The following SUPT3H variants were observed in gnomAD, a reference collection of about 807,000 sequenced individuals.
SUPT3H encodes SPT3 homolog, SAGA and STAGA complex component.
In SUPT3H, 44 loss-of-function variants were observed where a neutral mutation model predicts 44.3. That is an observed-to-expected ratio of 0.99 (90% confidence interval 0.78 to 1.28). The LOEUF (loss-of-function observed/expected upper bound fraction) is 1.28, where lower values mean the gene tolerates loss of function less well. Among genes scored for constraint, SUPT3H ranks in the 50% most tolerant of loss-of-function variants. SUPT3H has a pLI of 0.00. For synonymous variants in SUPT3H, 124 were observed against 125.6 expected (o/e 0.99, Z 0.09); for missense variants, 380 against 387.1 (o/e 0.98, Z 0.15).
intron 2 of SUPT3H, among the ~76,000 whole-genome samples, chr6:45,161,524 G>A (rs1275021585): frequency 6.6e-6 from 1 of 152,132 alleles, no homozygotes; most frequent in African/African-American, 2.4e-5. Flanking sequence ...CAAATTGTGT[G>A]AGACTCTCAT....
At chr6:45,012,602 T>C (rs1783656025) in intron 5 of SUPT3H, among the ~76,000 whole-genome samples, 1 of 152,152 alleles carries the variant, frequency 6.6e-6, no homozygotes, top group South Asian at 2.1e-4. Flanking sequence ...TTTGAACACA[T>C]ACATAATAGC....
chr6:45,287,188 A>G (rs1433104340), intron 2 of SUPT3H, among the ~76,000 whole-genome samples: 1 of 152,074 alleles, frequency 6.6e-6, no homozygotes, highest in Non-Finnish European at 1.5e-5. Flanking sequence ...ACATGTATAC[A>G]TATGTAACAA....
At chr6:44,975,576 G>T (rs2153485959) in intron 6 of SUPT3H, among the ~76,000 whole-genome samples, 1 of 152,004 alleles carries the variant, frequency 6.6e-6, no homozygotes, top group South Asian at 2.1e-4. Flanking sequence ...TTGGAGACTT[G>T]GTGGGAAGGG....
intron 3 of SUPT3H, among the ~76,000 whole-genome samples, chr6:45,105,488 T>TA (rs1324839492): frequency 1.1e-4 from 17 of 152,282 alleles, no homozygotes; most frequent in Non-Finnish European, 1.9e-4. Flanking sequence ...TCAGTGCATA[T>TA]AAAAGCTATG....
chr6:44,881,855 G>A (rs763823729), intron 10 of SUPT3H, among the ~76,000 whole-genome samples: 1 of 152,078 alleles, frequency 6.6e-6, no homozygotes, highest in African/African-American at 2.4e-5. Flanking sequence ...AAGACATGAC[G>A]TACAAGAATC....
At chr6:44,821,552 G>A (rs1229076513) in intron 11 of SUPT3H, among the ~76,000 whole-genome samples, 1 of 152,138 alleles carries the variant, frequency 6.6e-6, no homozygotes, top group Admixed American at 6.5e-5. Context: ...GCTGGGAAAG[G>A]GGGTTAGAAA....
intron 2 of SUPT3H, among the ~76,000 whole-genome samples, chr6:45,271,736 C>A (rs1776204290): frequency 6.6e-6 from 1 of 152,178 alleles, no homozygotes; most frequent in Non-Finnish European, 1.5e-5. Flanking sequence ...CTCTAGACCC[C>A]AGTATGACAG....
chr6:45,283,851 G>C (rs139767126), intron 2 of SUPT3H, among the ~76,000 whole-genome samples: 281 of 152,214 alleles, frequency 1.8e-3, no homozygotes, highest in African/African-American at 6.5e-3. Flanking sequence ...GTACTCCTCA[G>C]CAAATGTAAA....
intron 6 of SUPT3H, among the ~76,000 whole-genome samples, chr6:44,972,158 C>T (rs558285671): frequency 7.1e-4 from 108 of 152,236 alleles, no homozygotes; most frequent in African/African-American, 2.5e-3. Context: ...CCAGTCCCTT[C>T]CACTTACAAG....
At chr6:44,924,516 G>A (rs1769228105) in intron 10 of SUPT3H, among the ~76,000 whole-genome samples, 2 of 152,076 alleles carry the variant, frequency 1.3e-5, no homozygotes, top group African/African-American at 4.8e-5. Context: ...ACCACTGAAA[G>A]AGTTAAGAAT....
Position 44,989,265 on chromosome 6 carries a change from T to C in SUPT3H, c.504+14388A>G, listed in dbSNP as rs191946906. ...TCTTTCTGTGTCTGGCTTACTGCAC[T>C]TAGCATAATATACTCTAGGTTCATT... On this transcript the variant is annotated intron_variant, in intron 6 of 10. Coordinates refer to ENST00000371459, the MANE Select transcript of SUPT3H (RefSeq NM_003599.4). 1.3e-4 allele frequency among the ~76,000 whole-genome samples: 20 copies of C among 152,298 alleles called. No individual in the cohort carries two copies. The East Asian group carries it at 3.7e-3, about 28-fold the overall frequency.
At chr6:44,886,025 G>A (rs1428806865) in intron 10 of SUPT3H, among the ~76,000 whole-genome samples, 2 of 152,156 alleles carry the variant, frequency 1.3e-5, no homozygotes, top group East Asian at 1.9e-4. Context: ...AGTGATGGAA[G>A]ATGAAATGAA....
chr6:44,904,062 A>G (rs1765570640), intron 10 of SUPT3H, among the ~76,000 whole-genome samples: 1 of 152,200 alleles, frequency 6.6e-6, no homozygotes, highest in Non-Finnish European at 1.5e-5. Flanking sequence ...TGACAAACCC[A>G]TAGCCAATAT....
chr6:45,051,059 C>T (rs1479116469), intron 3 of SUPT3H, among the ~76,000 whole-genome samples: 1 of 151,604 alleles, frequency 6.6e-6, no homozygotes, highest in African/African-American at 2.4e-5. Flanking sequence ...TAATTTTTTG[C>T]ATTTTTAATA....
chr6:45,245,120 T>C (rs1178809094), intron 2 of SUPT3H, among the ~76,000 whole-genome samples: 2 of 152,122 alleles, frequency 1.3e-5, no homozygotes, highest in Non-Finnish European at 2.9e-5. Flanking sequence ...TCTACAAGTT[T>C]TTCATTGCAA....
rs957746579 is a variant in SUPT3H, at chr6:45,169,962, C to A, written c.102-63956G>T. Among the ~76,000 whole-genome samples, 3 of 152,138 alleles carry A rather than the reference C, an allele frequency of 2.0e-5. No individual in the cohort carries two copies. The East Asian group carries it at 5.8e-4, about 29-fold the overall frequency. On this transcript the variant is annotated intron_variant, in intron 2 of 10. Transcript: ENST00000371459. ...TTATTTACTTTTGAGTCTGGCAGCT[C>A]AAAATAGATCCACAGGGCACAGCCC...
chr6:44,904,663 A>T (rs1765682581), intron 10 of SUPT3H, among the ~76,000 whole-genome samples: 1 of 152,204 alleles, frequency 6.6e-6, no homozygotes, highest in South Asian at 2.1e-4. Context: ...GAATTGGAAA[A>T]AACTACTTTA....
intron 2 of SUPT3H, among the ~76,000 whole-genome samples, chr6:45,123,755 G>C (rs571311731): frequency 6.6e-6 from 1 of 152,202 alleles, no homozygotes; most frequent in South Asian, 2.1e-4. Flanking sequence ...GGTCTCTTTT[G>C]CACAATGGCC....
chr6:44,869,467 A>G (rs778208443), intron 10 of SUPT3H, among the ~76,000 whole-genome samples: 5 of 152,318 alleles, frequency 3.3e-5, no homozygotes, highest in African/African-American at 7.2e-5. Flanking sequence ...GTTGAAACAG[A>G]CGATATTGCA....
Sources: gnomAD v4.1 joint callset for allele counts (sites outside exome capture counted in the v4.1 genomes callset) on GRCh38, gnomAD v4.1.1 for gene constraint, MANE v1.5 for transcripts, NCBI Gene and HGNC (gene_info 2026-07-23, HGNC 2026-07-21) for gene names.